Variants in RPS6KB1 observed in about 807,000 individuals in gnomAD.
RPS6KB1 encodes ribosomal protein S6 kinase B1.
Under a neutral mutation model 70.2 loss-of-function variants are expected in RPS6KB1, and 12 were observed. That is an observed-to-expected ratio of 0.17 (90% CI 0.11 to 0.28). The LOEUF is 0.28. Ranked by LOEUF, RPS6KB1 falls within the 10% of genes least tolerant of loss-of-function variation. The pLI, the probability that RPS6KB1 is intolerant of heterozygous loss-of-function variation, is 1.00. For missense variants in RPS6KB1, 270 were observed against 646.6 expected (o/e 0.42, Z 6.32); for synonymous variants, 175 against 211.2 (o/e 0.83, Z 1.49).
chr17:59,941,094 A>G (rs1178096544), intron 13 of RPS6KB1, 151 bp downstream of exon 13: 4 of 520,576 alleles, frequency 7.7e-6, no homozygotes, highest in Non-Finnish European at 1.4e-5. Flanking sequence ...TTTATAACTT[A>G]TTGATGCCTA....
At chr17:59,926,637 A>G (rs2043621627) in intron 5 of RPS6KB1, 55 bp downstream of exon 5, 2 of 1,389,212 alleles carry the variant, frequency 1.4e-6, no homozygotes, top group Non-Finnish European at 2.0e-6. Flanking sequence ...AACTGGGTCA[A>G]AATGTTATTT....
At chr17:59,922,731 A>C (rs2043348024) in intron 4 of RPS6KB1, among the ~76,000 whole-genome samples, 1 of 151,272 alleles carries the variant, frequency 6.6e-6, no homozygotes, top group South Asian at 2.1e-4. Flanking sequence ...TTTTTAGTAG[A>C]GATGGGGTTT....
intron 14 of RPS6KB1, 49 bp downstream of exon 14, chr17:59,945,567 A>C: frequency 3.1e-6 from 3 of 980,866 alleles, no homozygotes; most frequent in Non-Finnish European, 4.8e-6. Context: ...AACAACCTAC[A>C]AGAGTGTTTG....
chr17:59,925,010 T>C (rs558623357), intron 4 of RPS6KB1, among the ~76,000 whole-genome samples: 2 of 152,110 alleles, frequency 1.3e-5, no homozygotes, highest in African/African-American at 4.8e-5. Context: ...TTTTTGTATT[T>C]TTAGTAGAGA....
rs907986480 is a variant in RPS6KB1 at position 59,893,418 on chromosome 17, CA to C, written c.141+94del. 5 of 1,318,614 alleles carry C rather than the reference CA, an allele frequency of 3.8e-6. No homozygotes were observed. In the African/African-American group the frequency reaches 4.4e-5, roughly 12 times the overall value. The allele number at this position is 1,318,614 out of a possible 1,614,324, so 81.7% of individuals were successfully genotyped here. ...CGGTGTGTCCTAGAGCGTGGAGACCCAGGGGGGCTCCTGAGGAGCTGAGGGT... is the reference window on the plus strand; with the variant it reads ...CGGTGTGTCCTAGAGCGTGGAGACCCGGGGGGCTCCTGAGGAGCTGAGGGT... On this transcript the variant is annotated intron_variant, in intron 1 of 14. Transcript: ENST00000225577. The surrounding 1 kb of genome is among the most constrained non-coding windows in gnomAD (Gnocchi z 4.1).
chr17:59,916,355 C>T (rs2042965185), intron 4 of RPS6KB1, among the ~76,000 whole-genome samples: 1 of 152,226 alleles, frequency 6.6e-6, no homozygotes. Flanking sequence ...CCGCCTTGAC[C>T]TCCCAAAGTG....
At chr17:59,911,235 G>A (rs2042613764) in intron 2 of RPS6KB1, among the ~76,000 whole-genome samples, 1 of 152,234 alleles carries the variant, frequency 6.6e-6, no homozygotes, top group South Asian at 2.1e-4. Context: ...GGTGAGTATG[G>A]TGATTAATCT....
rs145350084 is a variant in RPS6KB1, at chr17:59,942,019, A to C, written c.1227+1076A>C. 1.4e-4 allele frequency among the ~76,000 whole-genome samples: 21 copies of C among 151,936 alleles called. 1 individual carries two copies. The highest frequency in any genetic ancestry group is 1.4e-3 in the Admixed American group (21 of 15,260). On this transcript the variant is annotated intron_variant, in intron 13 of 14. Transcript: ENST00000225577. ...GACTACAGGTGCCCGCCACCACGCC[A>C]GGCTAATTTTTTGTATTTGTAGTAG...
rs1378362825 is a variant in RPS6KB1, at chr17:59,946,996, C to T, written c.*208C>T. The T allele has an allele frequency of 3.6e-6, 5 of 1,393,600 alleles. No individual in the cohort carries two copies. Among genetic ancestry groups the T allele is most frequent in the Non-Finnish European group, 3.7e-6 (4 of 1,074,326 alleles). 86.3% of individuals were successfully genotyped at this position (1,393,600 alleles called of 1,614,324 possible). On this transcript the variant is annotated 3_prime_UTR_variant, in exon 15 of 15. Coordinates refer to ENST00000225577, the MANE Select transcript of RPS6KB1 (RefSeq NM_003161.4). This position sits in a 1 kb window ranked among gnomAD's most constrained non-coding sequence, Gnocchi z 4.2. ...CTTAAAGCAAAATAGTATTGCTGAA[C>T]TCTTAGGCACATCAATTAATTGATT...
intron 13 of RPS6KB1, among the ~76,000 whole-genome samples, chr17:59,943,426 A>G (rs1464063143): frequency 6.6e-6 from 1 of 152,194 alleles, no homozygotes; most frequent in Non-Finnish European, 1.5e-5. Flanking sequence ...CAAGAAATCC[A>G]AAGTTGTGGT....
chr17:59,907,377 G>T (rs534457645), intron 1 of RPS6KB1: 1 of 152,222 alleles, frequency 6.6e-6, no homozygotes, highest in Non-Finnish European at 1.5e-5. Context: ...GGTTTTGATA[G>T]GATTCAGTTG....
rs2045123317 is a variant in RPS6KB1, at chr17:59,949,917, AG to A, written c.*3130del. On this transcript the variant is annotated 3_prime_UTR_variant, in exon 15 of 15. Transcript: ENST00000225577. ...ATATTCAGTTAATCATATGGTTCCTAGCTTACAAGGGCTAGATCTAAGATTA... is the reference window on the plus strand; with the variant it reads ...ATATTCAGTTAATCATATGGTTCCTACTTACAAGGGCTAGATCTAAGATTA... 1 of 152,554 alleles carries A rather than the reference AG, an allele frequency of 6.6e-6. No individual in the cohort carries two copies. The highest frequency in any genetic ancestry group is 1.9e-4 in the East Asian group (1 of 5,204). The allele number at this position is 152,554 out of a possible 1,614,324, so 9.5% of individuals were successfully genotyped here.
At chr17:59,902,305 A>G (rs1048539279) in intron 1 of RPS6KB1, among the ~76,000 whole-genome samples, 3 of 151,764 alleles carry the variant, frequency 2.0e-5, no homozygotes, top group Non-Finnish European at 2.9e-5. Context: ...GGGTTTTGCC[A>G]TGTTAGCCAG....
At chr17:59,943,250 G>A (rs2044720405) in intron 13 of RPS6KB1, among the ~76,000 whole-genome samples, 1 of 152,032 alleles carries the variant, frequency 6.6e-6, no homozygotes, top group African/African-American at 2.4e-5. Flanking sequence ...TAGGGAAGTG[G>A]GCATGAATCA....
intron 1 of RPS6KB1, among the ~76,000 whole-genome samples, chr17:59,909,092 A>C (rs2042456556): frequency 6.8e-6 from 1 of 147,860 alleles, no homozygotes; most frequent in African/African-American, 2.5e-5. Context: ...ACGGCCGACT[A>C]ATTTTGTATT....
chr17:59,916,194 A>G (rs905827879), intron 4 of RPS6KB1, among the ~76,000 whole-genome samples: 3 of 151,842 alleles, frequency 2.0e-5, no homozygotes, highest in African/African-American at 7.3e-5. Context: ...TCCACCTCCC[A>G]GGTTAAAGCG....
At chr17:59,919,056 C>G (rs1389913870) in intron 4 of RPS6KB1, among the ~76,000 whole-genome samples, 1 of 152,174 alleles carries the variant, frequency 6.6e-6, no homozygotes, top group East Asian at 1.9e-4. Context: ...ATCTCGAACT[C>G]CTGACCTCAA....
In RPS6KB1 at chr17:59,901,340, G is replaced by A. The variant is rs367687051; in HGVS notation, c.141+8015G>A. Among the ~76,000 whole-genome samples the A allele has an allele frequency of 1.5e-4, 23 of 151,282 alleles. No homozygotes were observed. In the South Asian group the frequency reaches 3.3e-3, roughly 22 times the overall value. ...AATGTTTTGTATTTTTAGTAGAGAC[G>A]GGGTTTCACCGTGTTAGCCAGGATG... On this transcript the variant is annotated intron_variant, in intron 1 of 14. Transcript: ENST00000225577.
At chr17:59,937,725 A>G (rs1336412913) in intron 12 of RPS6KB1, among the ~76,000 whole-genome samples, 1 of 152,184 alleles carries the variant, frequency 6.6e-6, no homozygotes, top group Non-Finnish European at 1.5e-5. Context: ...TTCACTAATT[A>G]CATCTGCAAT....
Sources: gnomAD v4.1 joint callset for allele counts (sites outside exome capture counted in the v4.1 genomes callset) on GRCh38, gnomAD v4.1.1 for gene constraint, Gnocchi (gnomAD v3.1) non-coding constraint, MANE v1.5 for transcripts, NCBI Gene and HGNC (gene_info 2026-07-23, HGNC 2026-07-21) for gene names.